SENP5: variants seen among roughly 807,000 people sequenced by gnomAD.
The protein encoded by SENP5 is SUMO specific peptidase 5, also known as sentrin-specific protease 5.
SENP5 carries 21 observed loss-of-function variants against 74.2 expected under a neutral mutation model. That is an observed-to-expected ratio of 0.28 (90% CI 0.20 to 0.41). SENP5 has a LOEUF of 0.41. Ranked by LOEUF, SENP5 falls within the 10% of genes least tolerant of loss-of-function variation. The pLI, the probability that SENP5 is intolerant of heterozygous loss-of-function variation, is 1.00. For synonymous variants in SENP5, 311 were observed against 312.7 expected, an observed-to-expected ratio of 0.99 and a Z score of 0.06; for missense variants, 717 against 889.1, an observed-to-expected ratio of 0.81 and a Z score of 2.46.
chr3:196,915,673 C>T (rs1430507276), intron 6 of SENP5, among the ~76,000 whole-genome samples: 2 of 152,118 alleles, frequency 1.3e-5, no homozygotes, highest in Non-Finnish European at 2.9e-5. Flanking sequence ...GTGCTTGCAC[C>T]ACCCCTCCCT....
At position 196,885,223 on chromosome 3, in the gene SENP5, C is replaced by T. The variant is rs762428774; in HGVS notation, c.42C>T (p.His14=). Residue 14 remains histidine, a synonymous_variant, in exon 2 of 10, where the codon CAC becomes CAT. Transcript: ENST00000323460. ...AAATTCTATGGAGGAAAGGAATCCA[C>T]TTAGCCTTTTCTGAGAAATGGAATA... is the stretch of plus-strand genomic sequence containing the variant. ...QRKILWRKGI[H]LAFSEKWNTG... is the part of the protein sequence containing the mutation. 5.6e-6 allele frequency: 9 copies of T among 1,613,924 alleles called. No individual in the cohort carries two copies. The highest frequency in any genetic ancestry group is 3.3e-5 in the Admixed American group (2 of 59,956).
rs1200275697 is a variant in SENP5 at position 196,885,424 on chromosome 3, G to C, written c.243G>C (p.Lys81Asn). 28 of 1,614,042 alleles carry C rather than the reference G, an allele frequency of 1.7e-5. No homozygotes were observed. The highest frequency in any genetic ancestry group is 2.3e-5 in the Non-Finnish European group (27 of 1,180,042). ...IKDEPLCAKT[K>N]FNVATQNVST... Reference sequence around the variant, plus strand: ...ATGAACCCCTTTGTGCTAAGACCAAGTTCAATGTGGCTACTCAAAATGTTA... The same window carrying C: ...ATGAACCCCTTTGTGCTAAGACCAACTTCAATGTGGCTACTCAAAATGTTA... Residue 81 changes from lysine (K) to asparagine (N), a missense_variant, in exon 2 of 10, where the codon AAG (lysine) becomes AAC (asparagine). Around this residue, in one of 4 missense-constraint regions of SENP5, gnomAD observed 567 missense variants for 577.4 expected, o/e 0.98. Coordinates refer to ENST00000323460, the MANE Select transcript of SENP5 (RefSeq NM_152699.5).
At chr3:196,920,218 A>AT (rs1715563086) in intron 6 of SENP5, among the ~76,000 whole-genome samples, 1 of 152,020 alleles carries the variant, frequency 6.6e-6, no homozygotes, top group African/African-American at 2.4e-5. Flanking sequence ...CTTTGCATTT[A>AT]TTTTTTCTCA....
chr3:196,870,111 C>T (rs1379589959), intron 1 of SENP5, among the ~76,000 whole-genome samples: 1 of 152,022 alleles, frequency 6.6e-6, no homozygotes, highest in African/African-American at 2.4e-5. Flanking sequence ...TTGGCATTTG[C>T]GATATTAAGC....
chr3:196,900,718 T>G (rs1714664785), intron 5 of SENP5, among the ~76,000 whole-genome samples: 1 of 152,016 alleles, frequency 6.6e-6, no homozygotes. Context: ...CCCGACTAGC[T>G]GGGATTATAG....
At position 196,903,456 on chromosome 3, in the gene SENP5, T is replaced by A. The variant is rs1376990022; in HGVS notation, c.1807-77T>A. The A allele has an allele frequency of 3.3e-6, 3 of 903,808 alleles. No homozygotes were observed. The African/African-American group carries it at 5.1e-5, about 15-fold the overall frequency. 56.0% of individuals were successfully genotyped at this position (903,808 alleles called of 1,614,324 possible). A position where few individuals can be genotyped will look rare whatever the true frequency, so the allele number is the denominator to read the frequency against. On this transcript the variant is annotated intron_variant, in intron 5 of 9. Transcript: ENST00000323460. ...TTGTCTGCTTTACATTCAAACATTT[T>A]AAAATTTCCTCTTTTGAAGTTAAAT...
At position 196,927,277 on chromosome 3, in the gene SENP5, A is replaced by G. The variant is rs149629157; in HGVS notation, c.2023-519A>G. On this transcript the variant is annotated intron_variant, in intron 7 of 9. Coordinates refer to ENST00000323460, the MANE Select transcript of SENP5 (RefSeq NM_152699.5). ...TTCCTTTCCTCTGTTGAGCATGGGC[A>G]ATGATGAAGACTTTCTTTTTGACTT... 3.3e-5 allele frequency among the ~76,000 whole-genome samples: 5 copies of G among 152,312 alleles called. No homozygotes were observed. In the East Asian group the frequency reaches 9.6e-4, roughly 29 times the overall value.
rs146191752 is a variant in SENP5 at position 196,899,959 on chromosome 3, G to A, written c.1655G>A (p.Arg552Gln). Residue 552 changes from arginine (R) to glutamine (Q), a missense_variant, in exon 4 of 10, where the codon CGG becomes CAG. Arg to Gln is a conservative substitution (Grantham distance 43). This residue lies in a region of SENP5 where 64 missense variants were observed against 100.8 expected (regional missense o/e 0.64). Coordinates refer to ENST00000323460, the MANE Select transcript of SENP5 (RefSeq NM_152699.5). ...ATCAATAGGGAAATAACAAACTATC[G>A]GGCCAGACATCAAAAATGTAACTTC... ...PFINREITNY[R>Q]ARHQKCNFRI... The A allele has an allele frequency of 4.6e-5, 75 of 1,613,586 alleles. 1 individual carries two copies. Among genetic ancestry groups the A allele is most frequent in the East Asian group, 6.7e-5 (3 of 44,880 alleles).
Position 196,923,553 on chromosome 3 carries a change from TA to T in SENP5, c.2022+4del. ...ATTCATTTTAAGTTTTGTGTAGAGG[TA>T]AGTTAATATACTGCCTATTTTTTCA... On this transcript the variant is annotated splice_donor_region_variant and intron_variant, in intron 7 of 9. Coordinates refer to ENST00000323460, the MANE Select transcript of SENP5 (RefSeq NM_152699.5). The T allele has an allele frequency of 6.3e-7, 1 of 1,585,282 alleles. No homozygotes were observed. The highest frequency in any genetic ancestry group is 8.6e-7 in the Non-Finnish European group (1 of 1,159,532).
chr3:196,883,373 A>T (rs896877521), intron 1 of SENP5, among the ~76,000 whole-genome samples: 1 of 152,064 alleles, frequency 6.6e-6, no homozygotes, highest in African/African-American at 2.4e-5. Context: ...TCTTGTGGGT[A>T]TAGAGCTTCT....
intron 3 of SENP5, 51 bp downstream of exon 3, chr3:196,899,822 A>T (rs772487194): frequency 3.1e-5 from 49 of 1,564,106 alleles, no homozygotes; most frequent in Non-Finnish European, 4.2e-5. Context: ...TTTTTGGCAT[A>T]TATGACTTTT....
At chr3:196,879,400 T>G (rs1010301262) in intron 1 of SENP5, among the ~76,000 whole-genome samples, 2 of 152,228 alleles carry the variant, frequency 1.3e-5, no homozygotes, top group Admixed American at 6.5e-5. Context: ...TTGTTTAGTG[T>G]TCTCTGTACC....
intron 1 of SENP5, among the ~76,000 whole-genome samples, chr3:196,878,203 T>C (rs1431110601): frequency 6.6e-6 from 1 of 152,162 alleles, no homozygotes; most frequent in African/African-American, 2.4e-5. Flanking sequence ...CCAAACCCTT[T>C]AAAAGTCTCA....
intron 6 of SENP5, chr3:196,904,903 G>C (rs535774594): frequency 1.3e-5 from 2 of 152,240 alleles, no homozygotes; most frequent in South Asian, 4.1e-4. Context: ...TAGCAACATT[G>C]ATTCATTCAT....
chr3:196,869,017 T>A (rs190869938), intron 1 of SENP5, among the ~76,000 whole-genome samples: 19 of 152,096 alleles, frequency 1.2e-4, no homozygotes, highest in Admixed American at 7.2e-4. Context: ...GAAACCAGAC[T>A]CTCTCCTAGC....
At chr3:196,915,989 T>C (rs1227995754) in intron 6 of SENP5, among the ~76,000 whole-genome samples, 5 of 152,056 alleles carry the variant, frequency 3.3e-5, no homozygotes, top group Non-Finnish European at 7.4e-5. Flanking sequence ...AATACCTAAC[T>C]CTTGATTGCC....
chr3:196,926,281 A>G (rs1188706697), intron 7 of SENP5, among the ~76,000 whole-genome samples: 2 of 152,012 alleles, frequency 1.3e-5, no homozygotes, highest in Non-Finnish European at 2.9e-5. Context: ...CAAGAGATAG[A>G]GACCAGCCTG....
intron 6 of SENP5, among the ~76,000 whole-genome samples, chr3:196,922,627 T>C (rs1715663975): frequency 6.6e-6 from 1 of 152,140 alleles, no homozygotes; most frequent in South Asian, 2.1e-4. Context: ...TTTTTATTTA[T>C]TTATTTTTCT....
chr3:196,898,678 G>A (rs1173016970), intron 2 of SENP5, among the ~76,000 whole-genome samples: 2 of 152,044 alleles, frequency 1.3e-5, no homozygotes, highest in Non-Finnish European at 2.9e-5. Context: ...ACTTTCTGAG[G>A]CCGAGGCGGG....
Sources: allele counts gnomAD v4.1 joint callset (sites outside exome capture counted in the v4.1 genomes callset), GRCh38; gene constraint gnomAD v4.1.1; regional missense constraint gnomAD v4.1.1; transcripts MANE v1.5; gene names NCBI Gene and HGNC (gene_info 2026-07-23, HGNC 2026-07-21).